The following RPRD2 variants were observed in gnomAD, a reference collection of about 807,000 sequenced individuals.
RPRD2 encodes the protein regulation of nuclear pre-mRNA domain containing 2.
A neutral mutation model predicts 104.4 loss-of-function variants in RPRD2; 12 were observed. That is an observed-to-expected ratio of 0.11 (90% CI 0.07 to 0.19). RPRD2 has a LOEUF of 0.19. Among genes scored for constraint, RPRD2 ranks in the 10% least tolerant of loss-of-function variants. RPRD2 has a pLI of 1.00. For synonymous variants in RPRD2, 714 were observed against 684.9 expected, an observed-to-expected ratio of 1.04 and a Z score of -0.66; for missense variants, 1,543 against 1,790.1, an observed-to-expected ratio of 0.86 and a Z score of 2.49.
Position 150,459,710 on chromosome 1 carries a change from A to C in RPRD2, c.1154-350A>C, listed in dbSNP as rs1553898348. Among the ~76,000 whole-genome samples the C allele has an allele frequency of 2.0e-5, 3 of 151,080 alleles. No homozygotes were observed. The East Asian group carries it at 5.8e-4, about 29-fold the overall frequency. Reference sequence around the variant, plus strand: ...TGGGTTCAAGCGATTCTCGTGTCTCAGCCTCTGTAGTAGCTGGGATTATAG... The same window carrying C: ...TGGGTTCAAGCGATTCTCGTGTCTCCGCCTCTGTAGTAGCTGGGATTATAG... On this transcript the variant is annotated intron_variant, in intron 8 of 10. Transcript: ENST00000369068.
At chr1:150,431,443 T>G (rs1438094015) in intron 2 of RPRD2, among the ~76,000 whole-genome samples, 1 of 143,146 alleles carries the variant, frequency 7.0e-6, no homozygotes, top group Admixed American at 7.8e-5. Flanking sequence ...TATACAAACA[T>G]GGAATATTAT....
At position 150,470,582 on chromosome 1, in the gene RPRD2, G is replaced by A; in HGVS notation, c.1634G>A (p.Ser545Asn). Reference sequence around the variant, plus strand: ...ACAGGCCTGTCATCTTTACTTCAGAGTGTTACTGGGAACCCAGTTCCAGCC... The same window carrying A: ...ACAGGCCTGTCATCTTTACTTCAGAATGTTACTGGGAACCCAGTTCCAGCC... ...ALQGLSSLLQ[S>N]VTGNPVPASE... The change falls in exon 11 of 11, where the codon AGT becomes AAT. Residue 545 changes from serine to asparagine, a missense_variant. Around this residue, in one of 4 missense-constraint regions of RPRD2, gnomAD observed 572 missense variants for 787.3 expected, o/e 0.73. Transcript: ENST00000369068. 6.2e-7 allele frequency: 1 copy of A among 1,613,818 alleles called. No homozygotes were observed. The highest frequency in any genetic ancestry group is 8.5e-7 in the Non-Finnish European group (1 of 1,179,804).
chr1:150,417,092 C>G (rs1457811772), intron 1 of RPRD2, among the ~76,000 whole-genome samples: 21 of 151,996 alleles, frequency 1.4e-4, no homozygotes, highest in African/African-American at 4.6e-4. Context: ...TGCTTGAGGT[C>G]ACATTCTGAT....
At chr1:150,419,603 G>T (rs587740711) in intron 2 of RPRD2, among the ~76,000 whole-genome samples, 1 of 152,164 alleles carries the variant, frequency 6.6e-6, no homozygotes, top group South Asian at 2.1e-4. Context: ...ACTTTATACC[G>T]TGGGCACTAT....
At chr1:150,467,957 A>G (rs1328988857) in intron 10 of RPRD2, among the ~76,000 whole-genome samples, 1 of 151,722 alleles carries the variant, frequency 6.6e-6, no homozygotes, top group African/African-American at 2.4e-5. Context: ...TCAGGAGTTC[A>G]AGACCAGCCT....
intron 2 of RPRD2, among the ~76,000 whole-genome samples, chr1:150,425,690 T>A (rs939686654): frequency 6.6e-6 from 1 of 152,160 alleles, no homozygotes; most frequent in Non-Finnish European, 1.5e-5. Flanking sequence ...TATTATCTTC[T>A]TTGATTCTCA....
chr1:150,403,918 G>T (rs1239622272), intron 1 of RPRD2, among the ~76,000 whole-genome samples: 1 of 152,128 alleles, frequency 6.6e-6, no homozygotes, highest in Non-Finnish European at 1.5e-5. Flanking sequence ...ACAGGCATGA[G>T]CCACTGCTGC....
chr1:150,373,649 T>C (rs587729134), intron 1 of RPRD2, among the ~76,000 whole-genome samples: 1 of 147,978 alleles, frequency 6.8e-6, no homozygotes, highest in Admixed American at 6.9e-5. Flanking sequence ...GAAATTTAGT[T>C]TTGGATGTGT....
Position 150,475,476 on chromosome 1 carries a change from G to A in RPRD2, c.*2142G>A, listed in dbSNP as rs1429628699. On this transcript the variant is annotated 3_prime_UTR_variant, in exon 11 of 11. Coordinates refer to ENST00000369068, the MANE Select transcript of RPRD2 (RefSeq NM_015203.5). ...AAGTGGCTTCCTGAACGTTGGGGCG[G>A]GATAATTGTCCTCAAAAGTATGATG... is the stretch of plus-strand genomic sequence containing the variant. 1.3e-5 allele frequency: 2 copies of A among 152,506 alleles called. No individual in the cohort carries two copies. Among genetic ancestry groups the A allele is most frequent in the African/African-American group, 4.8e-5 (2 of 41,404 alleles). The allele number at this position is 152,506 out of a possible 1,614,324, so 9.4% of individuals were successfully genotyped here.
At chr1:150,406,680 T>C (rs1663502888) in intron 1 of RPRD2, among the ~76,000 whole-genome samples, 1 of 152,184 alleles carries the variant, frequency 6.6e-6, no homozygotes, top group Admixed American at 6.5e-5. Context: ...ATTACAGGAA[T>C]GCGCCACCAC....
intron 1 of RPRD2, among the ~76,000 whole-genome samples, chr1:150,408,074 T>C (rs1553886924): frequency 6.7e-6 from 1 of 149,752 alleles, no homozygotes. Flanking sequence ...ACACCTGGCC[T>C]ATGCTTTTAT....
At chr1:150,447,390 A>G (rs955260308) in intron 7 of RPRD2, among the ~76,000 whole-genome samples, 2 of 148,590 alleles carry the variant, frequency 1.3e-5, no homozygotes, top group African/African-American at 5.0e-5. Flanking sequence ...GCTGGAGTGT[A>G]ATGGCGTGAT....
chr1:150,365,469 C>T (rs1659764073), intron 1 of RPRD2, among the ~76,000 whole-genome samples: 1 of 152,158 alleles, frequency 6.6e-6, no homozygotes, highest in African/African-American at 2.4e-5. Context: ...GAGGCACCAC[C>T]GGGTTTTCCC....
At position 150,417,608 on chromosome 1, in the gene RPRD2, A is replaced by G; in HGVS notation, c.218A>G (p.His73Arg). ...TTGTCATCTCTAGCTGCATATCCCCACCGTTTGAATCTCTTTTACCTTGCC... is the reference window on the plus strand; with the variant it reads ...TTGTCATCTCTAGCTGCATATCCCCGCCGTTTGAATCTCTTTTACCTTGCC... ...MKWLRRSAYP[H>R]RLNLFYLAND... The change falls in exon 2 of 11, where the codon CAC (histidine) becomes CGC (arginine). Residue 73 changes from histidine (H) to arginine (R), a missense_variant. Transcript: ENST00000369068. 6.4e-7 allele frequency: 1 copy of G among 1,573,132 alleles called. No individual in the cohort carries two copies. The highest frequency in any genetic ancestry group is 1.2e-5 in the South Asian group (1 of 85,810).
At chr1:150,366,010 T>TTTGTCTTTA (rs1659819529) in intron 1 of RPRD2, among the ~76,000 whole-genome samples, 1 of 152,240 alleles carries the variant, frequency 6.6e-6, no homozygotes, top group African/African-American at 2.4e-5. Context: ...TTATGTTTTT[T>TTTGTCTTTA]TTGTCTTTAT....
rs587761379 is a variant in RPRD2 at position 150,414,297 on chromosome 1, T to C, written c.206-3299T>C. Among the ~76,000 whole-genome samples the C allele has an allele frequency of 7.2e-5, 11 of 152,348 alleles. No individual in the cohort carries two copies. The East Asian group carries it at 2.1e-3, about 29-fold the overall frequency. ...CTTAATTGTTTTACATACATTGTTT[T>C]ATTTAGTTCTTCTAACAATCCTGTA... On this transcript the variant is annotated intron_variant, in intron 1 of 10. Coordinates refer to ENST00000369068, the MANE Select transcript of RPRD2 (RefSeq NM_015203.5).
At chr1:150,415,610 C>T (rs782555520) in intron 1 of RPRD2, among the ~76,000 whole-genome samples, 2 of 151,950 alleles carry the variant, frequency 1.3e-5, no homozygotes, top group Non-Finnish European at 2.9e-5. Flanking sequence ...CACCTGAGCC[C>T]AAGGAGGCTG....
Position 150,457,290 on chromosome 1 carries a change from A to C in RPRD2, c.873A>C (p.Ala291=), listed in dbSNP as rs1376178121. 6.2e-7 allele frequency: 1 copy of C among 1,610,668 alleles called. No individual in the cohort carries two copies. The highest frequency in any genetic ancestry group is 1.3e-5 in the African/African-American group (1 of 74,768). The stretch of plus-strand genomic sequence containing the variant: ...TAAACTCCTTTTTTCTCTTTTAGGC[A>C]TATAAAACCTTTGCTAACCGAGTAA... ...QYKEVKVVAN[A]YKTFANRVNN... The change falls in exon 8 of 11, where the codon GCA becomes GCC. Residue 291 remains alanine, a splice_region_variant and synonymous_variant. Coordinates refer to ENST00000369068, the MANE Select transcript of RPRD2 (RefSeq NM_015203.5).
intron 1 of RPRD2, among the ~76,000 whole-genome samples, chr1:150,384,115 A>G (rs1661358583): frequency 6.6e-6 from 1 of 152,048 alleles, no homozygotes. Context: ...GATATTCAGC[A>G]TTTTCCAAAC....
Sources: gnomAD v4.1 joint callset for allele counts (sites outside exome capture counted in the v4.1 genomes callset) on GRCh38, gnomAD v4.1.1 for gene constraint, gnomAD v4.1.1 regional missense constraint, MANE v1.5 for transcripts, NCBI Gene and HGNC (gene_info 2026-07-23, HGNC 2026-07-21) for gene names.